The following OPRM1 variants were observed in gnomAD, a reference collection of about 807,000 sequenced individuals.
OPRM1 encodes mu-type opioid receptor.
A neutral mutation model predicts 31.8 loss-of-function variants in OPRM1; 27 were observed. That is an observed-to-expected ratio of 0.85 (90% CI 0.63 to 1.17). The LOEUF (loss-of-function observed/expected upper bound fraction) is 1.17, where lower values mean the gene tolerates loss of function less well. Ranked by LOEUF, OPRM1 falls within the 50% of genes most tolerant of loss-of-function variation. The pLI is 0.00. For synonymous variants in OPRM1, 196 were observed against 189.9 expected (o/e 1.03, Z -0.26); for missense variants, 536 against 511.1 (o/e 1.05, Z -0.47).
At chr6:154,103,620 T>C (rs1795178052) in intron 3 of OPRM1, among the ~76,000 whole-genome samples, 2 of 152,204 alleles carry the variant, frequency 1.3e-5, no homozygotes, top group Non-Finnish European at 2.9e-5. Context: ...GAATAGCTAC[T>C]CCATAGAGCA....
chr6:154,243,528 GGTC>G (rs1296389856), intron 3 of OPRM1, among the ~76,000 whole-genome samples: 10 of 152,182 alleles, frequency 6.6e-5, no homozygotes, highest in Non-Finnish European at 1.3e-4. Flanking sequence ...AGGTGAGGCT[GGTC>G]TTCCCAGGCA....
chr6:154,083,943 CAAAAAAAAAAAAAAAA>C (rs57976654), intron 1 of OPRM1, among the ~76,000 whole-genome samples: 1 of 35,152 alleles, frequency 2.8e-5, no homozygotes, highest in Non-Finnish European at 5.4e-5. Context: ...GACTCCGTCT[CAAAAAAAAAAAAAAAA>C]AAAAAAAAAA....
chr6:154,134,000 G>A (rs145328663), downstream of OPRM1, among the ~76,000 whole-genome samples: 153 of 152,340 alleles, frequency 1.0e-3, 1 homozygote, highest in African/African-American at 3.5e-3. Context: ...AATGGAAGAA[G>A]CTTTAAGTTT....
At chr6:154,163,343 G>A (rs1332043010) in intron 3 of OPRM1, among the ~76,000 whole-genome samples, 2 of 152,118 alleles carry the variant, frequency 1.3e-5, no homozygotes, top group African/African-American at 4.8e-5. Context: ...GAAATATTCG[G>A]CCTCAGAGAA....
At chr6:154,052,288 ACCT>A (rs1191763096) in intron 1 of OPRM1, among the ~76,000 whole-genome samples, 2 of 152,230 alleles carry the variant, frequency 1.3e-5, no homozygotes, top group African/African-American at 4.8e-5. Context: ...GCACAAGTAT[ACCT>A]GTGTAACAAA....
At chr6:154,114,940 T>G (rs1215627487) in intron 3 of OPRM1, among the ~76,000 whole-genome samples, 1 of 151,616 alleles carries the variant, frequency 6.6e-6, no homozygotes, top group African/African-American at 2.4e-5. Flanking sequence ...TGTGCATGCA[T>G]CCTTCTATCC....
At chr6:154,153,059 A>G (rs1328898546) in intron 3 of OPRM1, among the ~76,000 whole-genome samples, 1 of 152,186 alleles carries the variant, frequency 6.6e-6, no homozygotes, top group East Asian at 1.9e-4. Context: ...TAAAAGCCAG[A>G]AATTTCTTGC....
At chr6:154,039,914 A>G in intron 1 of OPRM1, 80 bp downstream of exon 1, 1 of 1,322,406 alleles carries the variant, frequency 7.6e-7, no homozygotes, top group Non-Finnish European at 1.0e-6. Context: ...CCCAAGGCTC[A>G]ATGTTGGGCG....
Position 154,168,627 on chromosome 6 carries a change from C to T in OPRM1, c.1164+77155C>T, listed in dbSNP as rs9478511. Among the ~76,000 whole-genome samples the T allele has an allele frequency of 0.083, 12,612 of 151,736 alleles. 735 individuals are homozygous for T. Among genetic ancestry groups the T allele is most frequent in the African/African-American group, 0.16 (6,517 of 41,348 alleles). On this transcript the variant is annotated intron_variant, in intron 3 of 3. Coordinates refer to the OPRM1 transcript ENST00000337049. This position sits in a 1 kb window ranked among gnomAD's most constrained non-coding sequence, Gnocchi z 4.1. ...AATTTTATTATTATTTTTTTTGAGA[C>T]GGAGTTTTACTGCTGTTGCCCAGGC...
chr6:154,220,482 C>T (rs1025349481), intron 3 of OPRM1, among the ~76,000 whole-genome samples: 4 of 152,070 alleles, frequency 2.6e-5, no homozygotes, highest in Admixed American at 6.6e-5. Flanking sequence ...CATGGTGAAA[C>T]CCACAAGAAA....
upstream of OPRM1, among the ~76,000 whole-genome samples, chr6:154,034,198 T>C (rs1302215709): frequency 6.6e-6 from 1 of 152,242 alleles, no homozygotes; most frequent in Non-Finnish European, 1.5e-5. Flanking sequence ...TGTTGCCTGT[T>C]TGAGCTGTGA....
At chr6:154,110,941 T>A in intron 3 of OPRM1, among the ~76,000 whole-genome samples, 1 of 149,812 alleles carries the variant, frequency 6.7e-6, no homozygotes, top group East Asian at 2.0e-4. Flanking sequence ...TGGGTTTGAC[T>A]GATTACACCA....
intron 3 of OPRM1, chr6:154,156,390 G>C (rs1199345857): frequency 6.6e-6 from 1 of 152,294 alleles, no homozygotes; most frequent in Non-Finnish European, 1.5e-5. Flanking sequence ...AACTTCACAA[G>C]GTAACAGGTG....
intron 1 of OPRM1, among the ~76,000 whole-genome samples, chr6:154,019,779 G>T (rs1429402794): frequency 7.5e-6 from 1 of 133,488 alleles, no homozygotes; most frequent in African/African-American, 3.0e-5. Context: ...ACAGGGTCTC[G>T]CTCTGTTGCC....
intron 3 of OPRM1, among the ~76,000 whole-genome samples, chr6:154,218,098 C>T (rs1778557107): frequency 6.6e-6 from 1 of 152,094 alleles, no homozygotes; most frequent in African/African-American, 2.4e-5. Context: ...TTTTTTAAAA[C>T]ATCATGGCAG....
At chr6:154,243,113 G>A (rs1219743514) in intron 3 of OPRM1, among the ~76,000 whole-genome samples, 1 of 152,172 alleles carries the variant, frequency 6.6e-6, no homozygotes, top group African/African-American at 2.4e-5. Flanking sequence ...GAGAGAGCCA[G>A]CCCACGTGCT....
chr6:154,082,030 G>A (rs1407484277), intron 1 of OPRM1, among the ~76,000 whole-genome samples: 3 of 152,182 alleles, frequency 2.0e-5, no homozygotes, highest in African/African-American at 7.2e-5. Context: ...GATCTTGAAA[G>A]TCTCATTGGG....
chr6:154,193,286 A>G (rs1349856749), intron 3 of OPRM1, among the ~76,000 whole-genome samples: 3 of 152,192 alleles, frequency 2.0e-5, no homozygotes, highest in South Asian at 4.1e-4. Context: ...CCAAAATTGT[A>G]TGTTCTCACT....
chr6:154,013,019 T>C (rs1777811759), intron 1 of OPRM1, among the ~76,000 whole-genome samples: 1 of 151,748 alleles, frequency 6.6e-6, no homozygotes, highest in Non-Finnish European at 1.5e-5. Flanking sequence ...AACATATGAA[T>C]GTGGTTGGCA....
Sources: allele counts gnomAD v4.1 joint callset (sites outside exome capture counted in the v4.1 genomes callset), GRCh38; gene constraint gnomAD v4.1.1; non-coding constraint Gnocchi (gnomAD v3.1); transcripts MANE v1.5; gene names NCBI Gene and HGNC (gene_info 2026-07-23, HGNC 2026-07-21).